The following FOXN2 variants were observed in gnomAD, a reference collection of about 807,000 sequenced individuals.
FOXN2 encodes the protein forkhead box N2, also known as forkhead box protein N2.
Under a neutral mutation model 41.2 loss-of-function variants are expected in FOXN2, and 19 were observed. That is an observed-to-expected ratio of 0.46 (90% CI 0.32 to 0.68). FOXN2 has a LOEUF of 0.68. Among genes scored for constraint, FOXN2 ranks in the 30% least tolerant of loss-of-function variants. FOXN2 has a pLI of 0.03. For missense variants in FOXN2, 587 were observed against 509.4 expected, an observed-to-expected ratio of 1.15 and a Z score of -1.47; for synonymous variants, 195 against 176.8, an observed-to-expected ratio of 1.10 and a Z score of -0.82.
intron 1 of FOXN2, among the ~76,000 whole-genome samples, chr2:48,328,353 G>A (rs1669814778): frequency 6.6e-6 from 1 of 152,134 alleles, no homozygotes; most frequent in South Asian, 2.1e-4. Flanking sequence ...ATTACATGGT[G>A]TAGTATTTGC....
intron 5 of FOXN2, among the ~76,000 whole-genome samples, chr2:48,367,680 A>G (rs1031021476): frequency 3.9e-5 from 6 of 152,210 alleles, no homozygotes; most frequent in African/African-American, 7.2e-5. Flanking sequence ...ACACAAATGG[A>G]CTGAGAGTCA....
chr2:48,351,647 A>G (rs1013048397), intron 3 of FOXN2, among the ~76,000 whole-genome samples: 1 of 152,082 alleles, frequency 6.6e-6, no homozygotes, highest in Non-Finnish European at 1.5e-5. Flanking sequence ...TCACATGCAC[A>G]GTTCACAATA....
chr2:48,318,967 C>T (rs568102978), intron 1 of FOXN2, among the ~76,000 whole-genome samples: 5 of 152,276 alleles, frequency 3.3e-5, no homozygotes, highest in African/African-American at 1.2e-4. Context: ...TCTCTTTGCT[C>T]CCAACACAGA....
At chr2:48,323,357 T>A (rs1669462186) in intron 1 of FOXN2, among the ~76,000 whole-genome samples, 1 of 152,180 alleles carries the variant, frequency 6.6e-6, no homozygotes, top group South Asian at 2.1e-4. Flanking sequence ...CCACCAACAG[T>A]GTATGCGCAT....
chr2:48,334,070 T>C (rs1670186428), intron 2 of FOXN2, among the ~76,000 whole-genome samples: 1 of 151,910 alleles, frequency 6.6e-6, no homozygotes. Flanking sequence ...AACTTAAATA[T>C]AGCAATTTGA....
intron 1 of FOXN2, among the ~76,000 whole-genome samples, chr2:48,326,786 C>G (rs1054419990): frequency 1.3e-5 from 2 of 152,130 alleles, no homozygotes; most frequent in Non-Finnish European, 2.9e-5. Context: ...TACCTTCAGG[C>G]TATTTGTATA....
intron 1 of FOXN2, among the ~76,000 whole-genome samples, chr2:48,317,606 T>C (rs1186429692): frequency 1.9e-5 from 2 of 104,572 alleles, no homozygotes; most frequent in Non-Finnish European, 3.9e-5. Context: ...TTTTTTTTTT[T>C]TTTTTTTTTT....
intron 1 of FOXN2, among the ~76,000 whole-genome samples, chr2:48,321,753 T>G (rs1400959705): frequency 2.0e-5 from 3 of 152,208 alleles, no homozygotes; most frequent in African/African-American, 4.8e-5. Flanking sequence ...AAAAAAATTT[T>G]AGTACATTAT....
At chr2:48,371,471 C>A (rs950742994) in intron 5 of FOXN2, among the ~76,000 whole-genome samples, 3 of 151,638 alleles carry the variant, frequency 2.0e-5, no homozygotes, top group Non-Finnish European at 4.4e-5. Context: ...GTCTATGTGT[C>A]TTATTTTTAT....
intron 2 of FOXN2, among the ~76,000 whole-genome samples, chr2:48,337,511 G>A (rs1670446668): frequency 6.6e-6 from 1 of 151,586 alleles, no homozygotes; most frequent in South Asian, 2.1e-4. Context: ...TCACCATGTT[G>A]GCCAGGCTGG....
At chr2:48,370,951 C>A (rs1672853218) in intron 5 of FOXN2, among the ~76,000 whole-genome samples, 1 of 152,086 alleles carries the variant, frequency 6.6e-6, no homozygotes, top group Non-Finnish European at 1.5e-5. Context: ...GTCTTTGATC[C>A]ATTTTGAGCT....
At chr2:48,343,688 G>C (rs1377952866) in intron 2 of FOXN2, among the ~76,000 whole-genome samples, 2 of 152,050 alleles carry the variant, frequency 1.3e-5, no homozygotes, top group Non-Finnish European at 2.9e-5. Flanking sequence ...GAACCCAGGA[G>C]GTGGAGGTTA....
At chr2:48,334,299 T>G (rs1438014716) in intron 2 of FOXN2, among the ~76,000 whole-genome samples, 1 of 152,224 alleles carries the variant, frequency 6.6e-6, no homozygotes, top group African/African-American at 2.4e-5. Flanking sequence ...GTAGAATGTA[T>G]CCATTAATCT....
At chr2:48,373,259 G>C (rs1013862456) in intron 5 of FOXN2, 33 bp from the exon 6 acceptor site, 1 of 1,467,792 alleles carries the variant, frequency 6.8e-7, no homozygotes, top group Non-Finnish European at 9.4e-7. Context: ...CCTTTATAAA[G>C]AACATTAATA....
chr2:48,323,101 A>G (rs141799236), intron 1 of FOXN2, among the ~76,000 whole-genome samples: 28 of 152,052 alleles, frequency 1.8e-4, no homozygotes, highest in African/African-American at 6.3e-4. Flanking sequence ...TAGGGATTGG[A>G]TGAGGTGGAC....
chr2:48,370,595 T>G (rs1672827427), intron 5 of FOXN2, among the ~76,000 whole-genome samples: 1 of 152,206 alleles, frequency 6.6e-6, no homozygotes, highest in African/African-American at 2.4e-5. Context: ...TTTGTATGTC[T>G]TCTTTTGAGC....
At chr2:48,351,631 A>G (rs1017126546) in intron 3 of FOXN2, among the ~76,000 whole-genome samples, 1 of 152,084 alleles carries the variant, frequency 6.6e-6, no homozygotes, top group Non-Finnish European at 1.5e-5. Flanking sequence ...CACAGCCTAG[A>G]TCCCCTCACA....
intron 6 of FOXN2, among the ~76,000 whole-genome samples, chr2:48,373,573 A>G (rs1673046219): frequency 6.6e-6 from 1 of 152,170 alleles, no homozygotes; most frequent in Non-Finnish European, 1.5e-5. Context: ...TACATTGACC[A>G]AGAAATGAAG....
chr2:48,341,061 CAT>C (rs1317583620), intron 2 of FOXN2, among the ~76,000 whole-genome samples: 8 of 152,140 alleles, frequency 5.3e-5, no homozygotes, highest in African/African-American at 1.9e-4. Context: ...AATCCCACAT[CAT>C]ACTATTTTGG....
Sources: allele counts gnomAD v4.1 joint callset (sites outside exome capture counted in the v4.1 genomes callset), GRCh38; gene constraint gnomAD v4.1.1; transcripts MANE v1.5; gene names NCBI Gene and HGNC (gene_info 2026-07-23, HGNC 2026-07-21).